COL5A3: variants seen among roughly 807,000 people sequenced by gnomAD.
The protein encoded by COL5A3 is collagen alpha-3(V) chain.
A neutral mutation model predicts 250.0 loss-of-function variants in COL5A3; 172 were observed. That is an observed-to-expected ratio of 0.69 (90% confidence interval 0.61 to 0.78). COL5A3 has a LOEUF of 0.78. Among genes scored for constraint, COL5A3 ranks in the 30% least tolerant of loss-of-function variants. The probability of loss-of-function intolerance (pLI) is 0.00; values close to 1 mark genes in which losing one functional copy is unlikely to be tolerated. For synonymous variants in COL5A3, 937 were observed against 900.4 expected (o/e 1.04, Z -0.73); for missense variants, 2,340 against 2,334.4 (o/e 1.00, Z -0.05).
In COL5A3 at chr19:9,969,644, A is replaced by G. The variant is rs1568406503; in HGVS notation, c.4029T>C (p.Gly1343=). Residue 1343 remains glycine, a synonymous_variant, in exon 56 of 67, where the codon GGT becomes GGC. Transcript: ENST00000264828. ...CAGGGGGCCCTCTAGCCCCCATTGG[A>G]CCCGTCCTCCCTGGGGGCCCATCAG... ...PGPDGPPGRT[G]PMGARGPPGR... The G allele has an allele frequency of 3.1e-6, 5 of 1,588,296 alleles. No individual in the cohort carries two copies. The highest frequency in any genetic ancestry group is 4.3e-6 in the Non-Finnish European group (5 of 1,173,526).
Position 9,966,550 on chromosome 19 carries a change from G to T in COL5A3, c.4655C>A (p.Pro1552Gln). ...LVCHELHRNH[P>Q]HLPDGEYWID... ...CCGGACCTCACCATCAGGCAGGTGC[G>T]GGTGGTTGCGGTGCAGCTCGTGGCA... The change falls in exon 63 of 67, where the codon CCG (proline) becomes CAG (glutamine). Residue 1552 changes from proline (P) to glutamine (Q), a missense_variant. Physicochemically the swap from Pro to Gln is moderately conservative, Grantham distance 76 (BLOSUM62 -1). Around this residue, in one of 3 missense-constraint regions of COL5A3, gnomAD observed 1,179 missense variants for 1,162.6 expected, o/e 1.01. Coordinates refer to ENST00000264828, the MANE Select transcript of COL5A3 (RefSeq NM_015719.4). The T allele has an allele frequency of 6.5e-7, 1 of 1,544,210 alleles. No individual in the cohort carries two copies. The highest frequency in any genetic ancestry group is 1.4e-5 in the African/African-American group (1 of 73,144).
In COL5A3 at chr19:9,968,343, C is replaced by CT; in HGVS notation, c.4314+41dup. 6 of 1,424,436 alleles carry CT rather than the reference C, an allele frequency of 4.2e-6. 1 individual carries two copies. Among genetic ancestry groups the CT allele is most frequent in the Non-Finnish European group, 4.9e-6 (5 of 1,019,948 alleles). The allele number at this position is 1,424,436 out of a possible 1,614,324, so 88.2% of individuals were successfully genotyped here. On this transcript the variant is annotated intron_variant, in intron 59 of 66. Transcript: ENST00000264828. This position sits in a 1 kb window ranked among gnomAD's most constrained non-coding sequence, Gnocchi z 4.1. ...CACCCACAGTCTCTCAACCGACCCC[C>CT]TCCTTCAAATGCATTCTTCCCGCTC...
Position 9,977,390 on chromosome 19 carries a change from C to G in COL5A3, c.3209G>C (p.Gly1070Ala), listed in dbSNP as rs775810486. The G allele has an allele frequency of 1.9e-6, 3 of 1,576,770 alleles. No individual in the cohort carries two copies. The highest frequency in any genetic ancestry group is 2.6e-6 in the Non-Finnish European group (3 of 1,158,376). ...LGPLGPPGAAGPSGEEGDKGD... is the reference protein window; with the variant it reads ...LGPLGPPGAAAPSGEEGDKGD... ...CTTGTCCCCTTCCTCGCCAGAAGGC[C>G]CAGCAGCTCCAGGGGGTCCCAGAGG... Residue 1070 changes from glycine to alanine, a missense_variant, in exon 43 of 67, where the codon GGG becomes GCG. Gly to Ala is a moderately conservative substitution (Grantham distance 60). Transcript: ENST00000264828.
At chr19:9,970,341 A>T in intron 54 of COL5A3, among the ~76,000 whole-genome samples, 1 of 53,962 alleles carries the variant, frequency 1.9e-5, no homozygotes, top group African/African-American at 7.2e-5. Flanking sequence ...TCTGTGGGTG[A>T]GTGTGTTCTG....
rs111357806 is a variant in COL5A3, at chr19:9,974,386, C to T, written c.3365G>A (p.Arg1122His). 34,404 of 1,606,300 alleles carry T rather than the reference C, an allele frequency of 0.021. 1,213 individuals carry two copies. Among genetic ancestry groups the T allele is most frequent in the Admixed American group, 0.12 (7,069 of 58,374 alleles). Reference sequence around the variant, plus strand: ...CCCAAAGAGGCCTGGGGGTCCCCGGCGCCCCTGAGCCCCGTCTGCTCCCTG... The same window carrying T: ...CCCAAAGAGGCCTGGGGGTCCCCGGTGCCCCTGAGCCCCGTCTGCTCCCTG... Reference protein sequence around the residue: ...GPPGADGAQGRRGPPGLFGQK... With the variant: ...GPPGADGAQGHRGPPGLFGQK... Residue 1122 changes from arginine (R) to histidine (H), a missense_variant, in exon 46 of 67, where the codon CGC becomes CAC. Physicochemically the swap from Arg to His is conservative, Grantham distance 29 (BLOSUM62 0). Coordinates refer to ENST00000264828, the MANE Select transcript of COL5A3 (RefSeq NM_015719.4).
intron 14 of COL5A3, 36 bp downstream of exon 14, chr19:9,996,170 C>A: frequency 6.4e-7 from 1 of 1,554,762 alleles, no homozygotes; most frequent in Non-Finnish European, 8.7e-7. Flanking sequence ...TTCACTAATG[C>A]ATGCACCGCC....
chr19:9,996,967 A>G, intron 11 of COL5A3: 1 of 533,968 alleles, frequency 1.9e-6, no homozygotes, highest in South Asian at 2.5e-5. Context: ...ACAGAGAGAC[A>G]GAGAGAGATA....
intron 31 of COL5A3, among the ~76,000 whole-genome samples, chr19:9,984,450 A>G (rs1017295014): frequency 5.3e-5 from 8 of 152,176 alleles, no homozygotes; most frequent in East Asian, 1.9e-4. Context: ...TGGCAAACAA[A>G]TGTTATGTTT....
At chr19:9,980,094 C>T in intron 35 of COL5A3, 47 bp from the exon 36 acceptor site, 2 of 1,532,078 alleles carry the variant, frequency 1.3e-6, no homozygotes, top group Non-Finnish European at 1.8e-6. Flanking sequence ...TGCCTCCCTG[C>T]CCACTCCCTG....
chr19:10,001,688 G>C lies in COL5A3; in HGVS notation c.964-18C>G. 6.2e-7 allele frequency: 1 copy of C among 1,613,542 alleles called. No homozygotes were observed. ...AAGCTCCTCTGAGAACGTTAGGAAA[G>C]ACCAAAGTTTTCCCTGACCTCCTTA... On this transcript the variant is annotated intron_variant, in intron 7 of 66. Transcript: ENST00000264828.
chr19:9,993,894 A>G, intron 16 of COL5A3, 88 bp from the exon 17 acceptor site: 1 of 1,249,884 alleles, frequency 8.0e-7, no homozygotes, highest in Non-Finnish European at 1.1e-6. Flanking sequence ...CATCAACATC[A>G]AGATTTTTTT....
intron 54 of COL5A3, among the ~76,000 whole-genome samples, chr19:9,970,419 G>A (rs376567234): frequency 6.7e-4 from 27 of 40,446 alleles, no homozygotes; most frequent in Admixed American, 1.4e-3. Context: ...GTGAGTGGGG[G>A]CTGTAAGGTG....
intron 31 of COL5A3, 104 bp from the exon 32 acceptor site, chr19:9,982,222 C>T (rs2087021859): frequency 2.7e-6 from 2 of 745,860 alleles, no homozygotes; most frequent in African/African-American, 1.8e-5. Context: ...TCACTGATTC[C>T]AGAAGCTTCC....
chr19:9,979,298 C>A, intron 38 of COL5A3, 59 bp from the exon 39 acceptor site: 3 of 1,604,156 alleles, frequency 1.9e-6, no homozygotes, highest in Non-Finnish European at 2.6e-6. Flanking sequence ...GCTCAGGAGT[C>A]CAGCTTTCCC....
In COL5A3 at chr19:9,968,722, A is replaced by G; in HGVS notation, c.4159T>C (p.Ser1387Pro). 1 of 1,606,364 alleles carries G rather than the reference A, an allele frequency of 6.2e-7. No homozygotes were observed. The highest frequency in any genetic ancestry group is 8.5e-7 in the Non-Finnish European group (1 of 1,177,500). Reference protein sequence around the residue: ...QMGPPGPLGPSGLPGLKGDTG... With the variant: ...QMGPPGPLGPPGLPGLKGDTG... The stretch of plus-strand genomic sequence containing the variant: ...TCTCCCTTCAGCCCTGGGAGGCCAG[A>G]GGGCCCCTGGGAGAAGAGCAAGGGT... The change falls in exon 58 of 67, where the codon TCT (serine) becomes CCT (proline). Residue 1387 changes from serine (S) to proline (P), a missense_variant. Ser to Pro is a moderately conservative substitution (Grantham distance 74). Around this residue, in one of 3 missense-constraint regions of COL5A3, gnomAD observed 1,179 missense variants for 1,162.6 expected, o/e 1.01. Transcript: ENST00000264828. This position sits in a 1 kb window ranked among gnomAD's most constrained non-coding sequence, Gnocchi z 4.1.
chr19:10,008,234 T>A (rs1599234646), intron 1 of COL5A3, among the ~76,000 whole-genome samples: 1 of 152,078 alleles, frequency 6.6e-6, no homozygotes, highest in South Asian at 2.1e-4. Flanking sequence ...CACCCTAACC[T>A]CTCTGCAGAG....
intron 61 of COL5A3, 79 bp from the exon 62 acceptor site, chr19:9,967,479 A>T: frequency 8.0e-6 from 7 of 875,860 alleles, no homozygotes; most frequent in African/African-American, 1.8e-5. Context: ...ACACACACAC[A>T]CACTCACACA....
At chr19:9,981,370 G>A (rs1048598535) in intron 32 of COL5A3, among the ~76,000 whole-genome samples, 8 of 152,226 alleles carry the variant, frequency 5.3e-5, no homozygotes, top group Middle Eastern at 3.4e-3. Context: ...AAGCATGTTT[G>A]CCCACAAGAC....
chr19:9,974,876 T>C (rs1365202867), intron 45 of COL5A3, among the ~76,000 whole-genome samples: 1 of 151,926 alleles, frequency 6.6e-6, no homozygotes, highest in African/African-American at 2.4e-5. Flanking sequence ...TGTTTGTTTG[T>C]TTGTTTTTGT....
Sources: gnomAD v4.1 joint callset for allele counts (sites outside exome capture counted in the v4.1 genomes callset) on GRCh38, gnomAD v4.1.1 for gene constraint, gnomAD v4.1.1 regional missense constraint, Gnocchi (gnomAD v3.1) non-coding constraint, MANE v1.5 for transcripts, NCBI Gene and HGNC (gene_info 2026-07-23, HGNC 2026-07-21) for gene names.